LRP1B: variants seen among roughly 807,000 people sequenced by gnomAD.
LRP1B encodes the protein LDL receptor related protein 1B.
Under a neutral mutation model 556.6 loss-of-function variants are expected in LRP1B, and 217 were observed. The observed-to-expected ratio is 0.39, with a 90% CI of 0.35 to 0.44. LRP1B has a LOEUF of 0.44. Ranked by LOEUF, LRP1B falls within the 20% of genes least tolerant of loss-of-function variation. The probability of loss-of-function intolerance (pLI) is 1.00; values close to 1 mark genes in which losing one functional copy is unlikely to be tolerated. For missense variants in LRP1B, 5,053 were observed against 5,620.8 expected (o/e 0.90, Z 3.23); for synonymous variants, 2,047 against 1,865.8 (o/e 1.10, Z -2.50).
chr2:141,044,399 C>A (rs1387870078), intron 11 of LRP1B, among the ~76,000 whole-genome samples: 1 of 151,644 alleles, frequency 6.6e-6, no homozygotes, highest in Non-Finnish European at 1.5e-5. Flanking sequence ...GCAATGGCAA[C>A]AAAAGACAAA....
intron 3 of LRP1B, among the ~76,000 whole-genome samples, chr2:141,476,922 G>A (rs1474358324): frequency 6.6e-6 from 1 of 152,104 alleles, no homozygotes; most frequent in African/African-American, 2.4e-5. Context: ...TTGGGAGTTT[G>A]AGACCAGCCT....
At chr2:141,229,154 G>T (rs1683364993) in intron 6 of LRP1B, 29 bp downstream of exon 6, 3 of 1,606,462 alleles carry the variant, frequency 1.9e-6, no homozygotes, top group African/African-American at 1.3e-5. Context: ...AGTAAAGGGT[G>T]GCATATAATA....
At chr2:140,650,998 A>G (rs1464544944) in intron 41 of LRP1B, among the ~76,000 whole-genome samples, 1 of 152,184 alleles carries the variant, frequency 6.6e-6, no homozygotes, top group African/African-American at 2.4e-5. Flanking sequence ...GTTTCCAAAT[A>G]GTAAATCCAT....
At chr2:141,167,598 G>A (rs1680325796) in intron 7 of LRP1B, among the ~76,000 whole-genome samples, 1 of 151,504 alleles carries the variant, frequency 6.6e-6, no homozygotes, top group Admixed American at 6.6e-5. Flanking sequence ...AATCATATAG[G>A]TGATATATAT....
intron 43 of LRP1B, among the ~76,000 whole-genome samples, chr2:140,582,645 G>T (rs1681818599): frequency 6.6e-6 from 1 of 152,092 alleles, no homozygotes; most frequent in African/African-American, 2.4e-5. Context: ...GTCATGCGAG[G>T]ATGCAACAAT....
intron 87 of LRP1B, among the ~76,000 whole-genome samples, chr2:140,242,495 C>T (rs185938278): frequency 6.6e-6 from 1 of 151,176 alleles, no homozygotes; most frequent in Admixed American, 6.6e-5. Flanking sequence ...TGCTCCAGAC[C>T]CTGAAAATAT....
At chr2:140,583,171 C>CTTTTTTTTTTTTTTTT (rs1219194754) in intron 43 of LRP1B, among the ~76,000 whole-genome samples, 1 of 48,024 alleles carries the variant, frequency 2.1e-5, no homozygotes, top group Non-Finnish European at 4.9e-5. Flanking sequence ...CCTTTTTTTT[C>CTTTTTTTTTTTTTTTT]TTTTTTTTTT....
At chr2:140,659,566 T>C (rs1343161954) in intron 41 of LRP1B, among the ~76,000 whole-genome samples, 1 of 151,986 alleles carries the variant, frequency 6.6e-6, no homozygotes, top group Non-Finnish European at 1.5e-5. Flanking sequence ...TGGACTTATA[T>C]TCAAACACAG....
intron 3 of LRP1B, among the ~76,000 whole-genome samples, chr2:141,300,084 A>G (rs1480403364): frequency 6.6e-6 from 1 of 152,206 alleles, no homozygotes; most frequent in African/African-American, 2.4e-5. Flanking sequence ...TGAAGATACA[A>G]CAAGAAGTCA....
chr2:141,342,605 G>T (rs1385436224), intron 3 of LRP1B, among the ~76,000 whole-genome samples: 1 of 151,816 alleles, frequency 6.6e-6, no homozygotes, highest in Admixed American at 6.6e-5. Flanking sequence ...AACTGAGCAA[G>T]CAGAAGAAAG....
intron 35 of LRP1B, among the ~76,000 whole-genome samples, chr2:140,723,973 T>A (rs1687503643): frequency 6.6e-6 from 1 of 152,200 alleles, no homozygotes; most frequent in South Asian, 2.1e-4. Flanking sequence ...TGAGGTTGGC[T>A]GTTAGATCTG....
At chr2:140,653,011 G>A (rs991095661) in intron 41 of LRP1B, among the ~76,000 whole-genome samples, 9 of 152,134 alleles carry the variant, frequency 5.9e-5, no homozygotes, top group Admixed American at 3.9e-4. Context: ...AGCACCATAC[G>A]TTTGAGGAAT....
At chr2:140,737,877 T>A (rs532010452) in intron 35 of LRP1B, among the ~76,000 whole-genome samples, 13 of 152,320 alleles carry the variant, frequency 8.5e-5, no homozygotes, top group African/African-American at 3.1e-4. Flanking sequence ...TGGCAGCTGC[T>A]ACGCCAGATG....
At chr2:141,414,129 C>A (rs565785499) in intron 3 of LRP1B, among the ~76,000 whole-genome samples, 1 of 149,940 alleles carries the variant, frequency 6.7e-6, no homozygotes, top group East Asian at 2.0e-4. Context: ...CCCAGCTACT[C>A]GGGAGACTGA....
chr2:141,474,882 CAT>C (rs753499546), intron 3 of LRP1B, among the ~76,000 whole-genome samples: 19 of 152,238 alleles, frequency 1.2e-4, no homozygotes, highest in African/African-American at 3.1e-4. Context: ...AATCTTCACA[CAT>C]GTTATTCTCT....
At chr2:141,742,460 G>T (rs1052160975) in intron 2 of LRP1B, among the ~76,000 whole-genome samples, 7 of 151,784 alleles carry the variant, frequency 4.6e-5, no homozygotes, top group Admixed American at 2.6e-4. Context: ...CATCATTTTG[G>T]CCAGGCTGGT....
At chr2:141,951,660 A>G (rs1302365023) in intron 1 of LRP1B, among the ~76,000 whole-genome samples, 1 of 152,176 alleles carries the variant, frequency 6.6e-6, no homozygotes, top group East Asian at 1.9e-4. Flanking sequence ...CACAACTTTC[A>G]AGTAAGAAAA....
intron 1 of LRP1B, among the ~76,000 whole-genome samples, chr2:141,982,495 C>G (rs1002682268): frequency 6.6e-6 from 1 of 152,132 alleles, no homozygotes; most frequent in Non-Finnish European, 1.5e-5. Context: ...GCAAATACCA[C>G]TGCCCACTGT....
At chr2:141,579,564 A>T (rs1205490387) in intron 2 of LRP1B, among the ~76,000 whole-genome samples, 1 of 152,056 alleles carries the variant, frequency 6.6e-6, no homozygotes, top group East Asian at 1.9e-4. Context: ...ATAAATCAGA[A>T]TCTGGGGGTG....
Sources: allele counts gnomAD v4.1 joint callset (sites outside exome capture counted in the v4.1 genomes callset), GRCh38; gene constraint gnomAD v4.1.1; transcripts MANE v1.5; gene names NCBI Gene and HGNC (gene_info 2026-07-23, HGNC 2026-07-21).